TMTC3: variants seen among roughly 807,000 people sequenced by gnomAD.
The protein encoded by TMTC3 is transmembrane O-mannosyltransferase targeting cadherins 3.
A neutral mutation model predicts 92.2 loss-of-function variants in TMTC3; 52 were observed. The ratio of observed to expected loss-of-function variants is 0.56; its 90% confidence interval spans 0.45 to 0.71. The LOEUF is 0.71. TMTC3 is among the 30% of genes least tolerant of loss of function. The pLI, the probability that TMTC3 is intolerant of heterozygous loss-of-function variation, is 0.00. For missense variants in TMTC3, 896 were observed against 1,057.1 expected, an observed-to-expected ratio of 0.85 and a Z score of 2.11; for synonymous variants, 339 against 363.3, an observed-to-expected ratio of 0.93 and a Z score of 0.76.
At chr12:88,162,909 T>C (rs1243560067) in intron 6 of TMTC3, among the ~76,000 whole-genome samples, 1 of 99,886 alleles carries the variant, frequency 1.0e-5, no homozygotes, top group Non-Finnish European at 1.9e-5. Context: ...TCTTGCTTTT[T>C]TTCTTTCTTC....
Position 88,199,209 on chromosome 12 carries a change from A to ACTC in TMTC3, c.*3561_*3563dup, listed in dbSNP as rs1275868619. ...ACCACCAAATTAAGAAAAGGAAACA[A>ACTC]CTCAGACTTGGAATTTTATACGAAT... On this transcript the variant is annotated 3_prime_UTR_variant, in exon 14 of 14. Coordinates refer to ENST00000266712, the MANE Select transcript of TMTC3 (RefSeq NM_181783.4). The ACTC allele has an allele frequency of 6.6e-6, 1 of 152,044 alleles. No homozygotes were observed. The highest frequency in any genetic ancestry group is 6.6e-5 in the Admixed American group (1 of 15,256). 9.4% of individuals were successfully genotyped at this position (152,044 alleles called of 1,614,324 possible). A position where few individuals can be genotyped will look rare whatever the true frequency, so the allele number is the denominator to read the frequency against.
In TMTC3 at chr12:88,192,734, C is replaced by T; in HGVS notation, c.1837C>T (p.Pro613Ser). 1 of 1,613,418 alleles carries T rather than the reference C, an allele frequency of 6.2e-7. No individual in the cohort carries two copies. Among genetic ancestry groups the T allele is most frequent in the East Asian group, 2.2e-5 (1 of 44,734 alleles). ...LAIVHIELKE[P>S]NEALKNFNRA... The stretch of plus-strand genomic sequence containing the variant: ...AATTGTACATATTGAACTTAAAGAA[C>T]CAAATGAAGCCCTAAAAAACTTTAA... The change falls in exon 13 of 14, where the codon CCA (proline) becomes TCA (serine). Residue 613 changes from proline (P) to serine (S), a missense_variant. Transcript: ENST00000266712.
rs2041489803 is a variant in TMTC3 at position 88,194,843 on chromosome 12, G to T, written c.1939G>T (p.Val647Phe). The T allele has an allele frequency of 7.7e-6, 12 of 1,568,472 alleles. No individual in the cohort carries two copies. Among genetic ancestry groups the T allele is most frequent in the Non-Finnish European group, 1.0e-5 (12 of 1,161,138 alleles). Residue 647 changes from valine (V) to phenylalanine (F), a missense_variant, in exon 14 of 14, where the codon GTT becomes TTT. Val to Phe is a conservative substitution (Grantham distance 50). Coordinates refer to ENST00000266712, the MANE Select transcript of TMTC3 (RefSeq NM_181783.4). ...TCTTTAAAAAAACTTTCTAGGTGAG[G>T]TTAAACTCAGACCTGAAGCTAGAAA... is the stretch of plus-strand genomic sequence containing the variant. Reference protein sequence around the residue: ...SAIVMQESGEVKLRPEARKRL... With the variant: ...SAIVMQESGEFKLRPEARKRL...
At chr12:88,162,609 T>A (rs2041092803) in intron 6 of TMTC3, among the ~76,000 whole-genome samples, 1 of 152,184 alleles carries the variant, frequency 6.6e-6, no homozygotes, top group Non-Finnish European at 1.5e-5. Flanking sequence ...GAATCTGTTT[T>A]CATCTTCAGA....
intron 6 of TMTC3, among the ~76,000 whole-genome samples, chr12:88,162,356 A>C (rs2041090203): frequency 6.6e-6 from 1 of 152,078 alleles, no homozygotes; most frequent in Non-Finnish European, 1.5e-5. Context: ...ATTTTGTAAA[A>C]ATTTTGGAAA....
intron 6 of TMTC3, 74 bp from the exon 7 acceptor site, chr12:88,166,256 A>T: frequency 1.5e-6 from 2 of 1,359,238 alleles, no homozygotes; most frequent in Non-Finnish European, 2.0e-6. Flanking sequence ...TTTATTGTTT[A>T]GTGTTTTACT....
intron 12 of TMTC3, among the ~76,000 whole-genome samples, chr12:88,192,185 G>A (rs906320354): frequency 1.3e-5 from 2 of 151,818 alleles, no homozygotes; most frequent in Non-Finnish European, 2.9e-5. Context: ...ACTACTATAT[G>A]TCATTTTTTT....
In TMTC3 at chr12:88,195,775, G is replaced by A; in HGVS notation, c.*126G>A. ...GTCAATCATGAGCTGCCTTGAAGTA[G>A]GATCAAAATAAGATTTTCATTAAAG... On this transcript the variant is annotated 3_prime_UTR_variant, in exon 14 of 14. Transcript: ENST00000266712. 1.4e-6 allele frequency: 1 copy of A among 698,122 alleles called. No homozygotes were observed. The allele number at this position is 698,122 out of a possible 1,614,324, so 43.2% of individuals were successfully genotyped here.
chr12:88,160,638 T>C (rs1414021130), intron 5 of TMTC3, 41 bp from the exon 6 acceptor site: 5 of 1,554,998 alleles, frequency 3.2e-6, no homozygotes, highest in Non-Finnish European at 4.4e-6. Flanking sequence ...CATTGAGATA[T>C]GTCGTTATTT....
At position 88,195,108 on chromosome 12, in the gene TMTC3, A is replaced by G; in HGVS notation, c.2204A>G (p.His735Arg). 6.2e-7 allele frequency: 1 copy of G among 1,613,888 alleles called. No homozygotes were observed. Among genetic ancestry groups the G allele is most frequent in the African/African-American group, 1.3e-5 (1 of 75,060 alleles). Residue 735 changes from histidine to arginine, a missense_variant, in exon 14 of 14, where the codon CAT (histidine) becomes CGT (arginine). Coordinates refer to ENST00000266712, the MANE Select transcript of TMTC3 (RefSeq NM_181783.4). ...GAGTTACTCAGATACTACCCTGATC[A>G]TATCAAGGGCCTCATTTTAAAAGGA... ...LEELLRYYPDHIKGLILKGDI... is the reference protein window; with the variant it reads ...LEELLRYYPDRIKGLILKGDI...
chr12:88,182,511 T>A (rs770760830), intron 10 of TMTC3, among the ~76,000 whole-genome samples: 1 of 152,176 alleles, frequency 6.6e-6, no homozygotes, highest in Non-Finnish European at 1.5e-5. Flanking sequence ...TGATAGTATT[T>A]AATTTAACCT....
chr12:88,189,092 TA>T, intron 11 of TMTC3, 146 bp downstream of exon 11: 3 of 562,274 alleles, frequency 5.3e-6, no homozygotes, highest in East Asian at 3.4e-5. Context: ...CTAGCTTACT[TA>T]ATTTTTTTTT....
At chr12:88,183,278 C>T (rs2041338435) in intron 10 of TMTC3, among the ~76,000 whole-genome samples, 2 of 152,176 alleles carry the variant, frequency 1.3e-5, no homozygotes, top group Non-Finnish European at 1.5e-5. Flanking sequence ...AGAATGACCT[C>T]AGTTAACCCT....
At chr12:88,173,771 A>C (rs2041230147) in intron 8 of TMTC3, among the ~76,000 whole-genome samples, 1 of 152,088 alleles carries the variant, frequency 6.6e-6, no homozygotes, top group Admixed American at 6.6e-5. Context: ...TAGACACTTT[A>C]GATTTCTTTT....
At chr12:88,180,066 C>T (rs906906578) in intron 10 of TMTC3, among the ~76,000 whole-genome samples, 7 of 152,138 alleles carry the variant, frequency 4.6e-5, no homozygotes, top group African/African-American at 4.8e-5. Context: ...CTACCCTGAC[C>T]GAACTCCTAC....
intron 1 of TMTC3, among the ~76,000 whole-genome samples, chr12:88,144,278 T>A (rs1373280178): frequency 6.6e-6 from 1 of 152,198 alleles, no homozygotes; most frequent in Non-Finnish European, 1.5e-5. Flanking sequence ...TTGTTGTGAT[T>A]CAAATACCTC....
intron 7 of TMTC3, among the ~76,000 whole-genome samples, chr12:88,167,009 T>G (rs1189285022): frequency 6.6e-6 from 1 of 151,430 alleles, no homozygotes; most frequent in African/African-American, 2.4e-5. Flanking sequence ...TTTTTTTTTT[T>G]TGGTGGTGGT....
At position 88,196,356 on chromosome 12, in the gene TMTC3, GTTTTAC is replaced by G. The variant is rs1022301166; in HGVS notation, c.*710_*715del. The stretch of plus-strand genomic sequence containing the variant: ...TATATACTGTATTTTTTGTTGTTTA[GTTTTAC>G]TTATTGAGAGTGTCACAACATGAAT... On this transcript the variant is annotated 3_prime_UTR_variant, in exon 14 of 14. Transcript: ENST00000266712. 3.0e-4 allele frequency: 46 copies of G among 151,468 alleles called. No homozygotes were observed. Among genetic ancestry groups the G allele is most frequent in the African/African-American group, 9.7e-4 (40 of 41,212 alleles). 9.4% of individuals were successfully genotyped at this position (151,468 alleles called of 1,614,324 possible).
In TMTC3 at chr12:88,192,613, G is replaced by T; in HGVS notation, c.1716G>T (p.Leu572Phe). Residue 572 changes from leucine to phenylalanine, a missense_variant, in exon 13 of 14, where the codon TTG (leucine) becomes TTT (phenylalanine). By Grantham distance (22) the Leu-to-Phe change is conservative. Coordinates refer to ENST00000266712, the MANE Select transcript of TMTC3 (RefSeq NM_181783.4). Reference protein sequence around the residue: ...FKQAYISRGELLLKMNKPLKA... With the variant: ...FKQAYISRGEFLLKMNKPLKA... ...TTTGATTTTTCCACAGAGGAGAATTGCTTTTAAAAATGAATAAACCTCTTA... is the reference window on the plus strand; with the variant it reads ...TTTGATTTTTCCACAGAGGAGAATTTCTTTTAAAAATGAATAAACCTCTTA... 6.2e-7 allele frequency: 1 copy of T among 1,602,830 alleles called. No homozygotes were observed. The highest frequency in any genetic ancestry group is 8.5e-7 in the Non-Finnish European group (1 of 1,171,190).
Sources: gnomAD v4.1 joint callset for allele counts (sites outside exome capture counted in the v4.1 genomes callset) on GRCh38, gnomAD v4.1.1 for gene constraint, MANE v1.5 for transcripts, NCBI Gene and HGNC (gene_info 2026-07-23, HGNC 2026-07-21) for gene names.